Variants in RYR1 observed in about 807,000 individuals in gnomAD.
RYR1 encodes ryanodine receptor 1.
Under a neutral mutation model 583.5 loss-of-function variants are expected in RYR1, and 342 were observed. The observed-to-expected ratio is 0.59, with a 90% CI of 0.54 to 0.64. The LOEUF (loss-of-function observed/expected upper bound fraction) is 0.64, where lower values mean the gene tolerates loss of function less well. Ranked by LOEUF, RYR1 falls within the 30% of genes least tolerant of loss-of-function variation. The pLI is 0.00. For missense variants in RYR1, 6,032 were observed against 6,917.2 expected, an observed-to-expected ratio of 0.87 and a Z score of 4.54; for synonymous variants, 2,791 against 2,822.5, an observed-to-expected ratio of 0.99 and a Z score of 0.35.
chr19:38,505,988 G>C, intron 54 of RYR1, 42 bp downstream of exon 54: 1 of 1,599,790 alleles, frequency 6.3e-7, no homozygotes, highest in Non-Finnish European at 8.5e-7. Context: ...CACGATGGGG[G>C]GAGGGTCTAG....
chr19:38,514,265 A>T (rs1970853457), intron 63 of RYR1, among the ~76,000 whole-genome samples: 1 of 147,660 alleles, frequency 6.8e-6, no homozygotes, highest in Non-Finnish European at 1.5e-5. Flanking sequence ...CCCCATCTCT[A>T]AAAAAATTTT....
At chr19:38,457,678 C>T (rs2145407065) in intron 17 of RYR1, 48 bp downstream of exon 17, 1 of 1,592,504 alleles carries the variant, frequency 6.3e-7, no homozygotes, top group African/African-American at 1.3e-5. Context: ...TCTCAACCCT[C>T]TCCCTGACTT....
At chr19:38,557,321 G>C (rs1972923536) in intron 89 of RYR1, among the ~76,000 whole-genome samples, 1 of 152,084 alleles carries the variant, frequency 6.6e-6, no homozygotes, top group South Asian at 2.1e-4. Flanking sequence ...GAACAAAACA[G>C]AGAGCCCACT....
At chr19:38,490,545 G>C in intron 36 of RYR1, 76 bp from the exon 37 acceptor site, 3 of 978,908 alleles carry the variant, frequency 3.1e-6, no homozygotes, top group Non-Finnish European at 4.9e-6. Flanking sequence ...ACTAACAATT[G>C]CATCTTCTAT....
Position 38,561,190 on chromosome 19 carries a change from A to G in RYR1, c.12360A>G (p.Glu4120=), listed in dbSNP as rs758071179. 14 of 1,614,066 alleles carry G rather than the reference A, an allele frequency of 8.7e-6. No individual in the cohort carries two copies. The African/African-American group carries it at 1.7e-4, about 20-fold the overall frequency. ...LLSCSEADEN[E]MINCEEFANR... Reference sequence around the variant, plus strand: ...CGTGCTCCGAAGCGGATGAGAACGAAATGATCAACTGCGAAGAGTTCGCCA... The same window carrying G: ...CGTGCTCCGAAGCGGATGAGAACGAGATGATCAACTGCGAAGAGTTCGCCA... The change falls in exon 90 of 106, where the codon GAA becomes GAG. Residue 4120 remains glutamate (E), a synonymous_variant. Transcript: ENST00000359596. This position sits in a 1 kb window ranked among gnomAD's most constrained non-coding sequence, Gnocchi z 4.8.
Position 38,505,965 on chromosome 19 carries a change from TG to T in RYR1, c.8541+21del, listed in dbSNP as rs2145634199. On this transcript the variant is annotated intron_variant, in intron 54 of 105. Transcript: ENST00000359596. Reference sequence around the variant, plus strand: ...TGCCCAGGTGAAGGCGGGGCCTGGGTGGAGGGCAGGGGCACGATGGGGGGAG... The same window carrying T: ...TGCCCAGGTGAAGGCGGGGCCTGGGTGAGGGCAGGGGCACGATGGGGGGAG... 1.3e-6 allele frequency: 2 copies of T among 1,581,250 alleles called. No individual in the cohort carries two copies. The highest frequency in any genetic ancestry group is 1.7e-6 in the Non-Finnish European group (2 of 1,166,888).
chr19:38,529,178 G>A, intron 76 of RYR1, 121 bp downstream of exon 76: 1 of 961,258 alleles, frequency 1.0e-6, no homozygotes, highest in Non-Finnish European at 1.7e-6. Context: ...AAGACAGACG[G>A]ATCTTTAAAT....
intron 67 of RYR1, 36 bp downstream of exon 67, chr19:38,519,490 C>T: frequency 6.4e-7 from 1 of 1,568,930 alleles, no homozygotes; most frequent in African/African-American, 1.4e-5. Flanking sequence ...GCCCTCCGCC[C>T]CGACCTCCCA....
rs770046911 is a variant in RYR1, at chr19:38,573,270, G to C, written c.14092G>C (p.Val4698Leu). Residue 4698 changes from valine (V) to leucine (L), a missense_variant, in exon 96 of 106, where the codon GTG becomes CTG. Val to Leu is a conservative substitution (Grantham distance 32). Transcript: ENST00000359596. Reference protein sequence around the residue: ...YITEQPEDDDVKGQWDRLVLN... With the variant: ...YITEQPEDDDLKGQWDRLVLN... Reference sequence around the variant, plus strand: ...CACGGAGCAGCCTGAGGACGATGACGTGAAGGGGCAGTGGGACCGACTGGT... The same window carrying C: ...CACGGAGCAGCCTGAGGACGATGACCTGAAGGGGCAGTGGGACCGACTGGT... 6 of 1,613,950 alleles carry C rather than the reference G, an allele frequency of 3.7e-6. No homozygotes were observed. Among genetic ancestry groups the C allele is most frequent in the Non-Finnish European group, 5.1e-6 (6 of 1,179,920 alleles).
Position 38,528,303 on chromosome 19 carries a change from C to G in RYR1, c.10825-3C>G, listed in dbSNP as rs939237766. The G allele has an allele frequency of 6.2e-7, 1 of 1,613,918 alleles. No homozygotes were observed. Among genetic ancestry groups the G allele is most frequent in the Admixed American group, 1.7e-5 (1 of 60,022 alleles). ...TGTGACTGTCCTGCTATCCCCTCCC[C>G]AGACCGAGCACCCTTACAAGTCTAA... On this transcript the variant is annotated splice_region_variant and splice_polypyrimidine_tract_variant and intron_variant, in intron 73 of 105. Coordinates refer to ENST00000359596, the MANE Select transcript of RYR1 (RefSeq NM_000540.3).
rs1257602135 is a variant in RYR1, at chr19:38,517,340, C to T, written c.9686-19C>T. On this transcript the variant is annotated intron_variant, in intron 65 of 105. Transcript: ENST00000359596. ...GGGGTGATGGCTTGACATTCCCTGC[C>T]CCCGTCCCTGTACCCCAGTCCTGGG... 1 of 1,610,676 alleles carries T rather than the reference C, an allele frequency of 6.2e-7. No homozygotes were observed. The highest frequency in any genetic ancestry group is 1.3e-5 in the African/African-American group (1 of 74,940).
chr19:38,490,349 T>C (rs941842328), intron 36 of RYR1, 73 bp downstream of exon 36: 2 of 1,432,404 alleles, frequency 1.4e-6, no homozygotes. Flanking sequence ...CTCTGATCAC[T>C]GAGGACCCTC....
intron 38 of RYR1, among the ~76,000 whole-genome samples, chr19:38,493,406 TTATGGGGCCAAC>T (rs1162175803): frequency 2.6e-5 from 4 of 152,140 alleles, no homozygotes; most frequent in African/African-American, 9.7e-5. Flanking sequence ...CAGGAAACTT[TTATGGGGCCAAC>T]TATGGGCCAG....
chr19:38,580,574 T>C lies in RYR1; in HGVS notation c.14646+70T>C, dbSNP rs973486346. 4 of 1,594,614 alleles carry C rather than the reference T, an allele frequency of 2.5e-6. No individual in the cohort carries two copies. In the African/African-American group the frequency reaches 4.0e-5, roughly 16 times the overall value. ...TGTTGAAGGAGTTAATAATGGTACC[T>C]CCAGGCCGGGCGTGGTGCCTCCAGC... On this transcript the variant is annotated intron_variant, in intron 101 of 105. Transcript: ENST00000359596.
intron 78 of RYR1, 118 bp downstream of exon 78, chr19:38,532,854 T>TCAGTC: frequency 1.0e-6 from 1 of 1,001,696 alleles, no homozygotes; most frequent in South Asian, 1.4e-5. Flanking sequence ...AGTGACCAAG[T>TCAGTC]CAGTCCACTG....
chr19:38,547,195 C>G, intron 88 of RYR1, among the ~76,000 whole-genome samples: 1 of 149,608 alleles, frequency 6.7e-6, no homozygotes, highest in South Asian at 2.1e-4. Flanking sequence ...CCCGCCACCA[C>G]ACCTGGCTAA....
At chr19:38,520,516 G>A (rs954094606) in intron 67 of RYR1, among the ~76,000 whole-genome samples, 4 of 150,962 alleles carry the variant, frequency 2.6e-5, no homozygotes, top group African/African-American at 7.3e-5. Context: ...CCAACGTGGC[G>A]AAACCCTGTC....
At position 38,448,698 on chromosome 19, in the gene RYR1, C is replaced by T. The variant is rs1966920918; in HGVS notation, c.1007C>T (p.Pro336Leu). 1 of 1,614,244 alleles carries T rather than the reference C, an allele frequency of 6.2e-7. No homozygotes were observed. The highest frequency in any genetic ancestry group is 8.5e-7 in the Non-Finnish European group (1 of 1,180,034). Residue 336 changes from proline to leucine, a missense_variant, in exon 11 of 106, where the codon CCT (proline) becomes CTT (leucine). Around this residue, in one of 11 missense-constraint regions of RYR1, gnomAD observed 338 missense variants for 441.6 expected, o/e 0.77. Coordinates refer to ENST00000359596, the MANE Select transcript of RYR1 (RefSeq NM_000540.3). ...CGGGATGTGGAGGGCATGGGCCCCC[C>T]TGAGATCAAGTACGGGGAGTCACTG... is the stretch of plus-strand genomic sequence containing the variant. ...PKRDVEGMGP[P>L]EIKYGESLCF...
At chr19:38,486,337 C>G in intron 34 of RYR1, 135 bp downstream of exon 34, 1 of 1,129,726 alleles carries the variant, frequency 8.9e-7, no homozygotes, top group Non-Finnish European at 1.3e-6. Flanking sequence ...ATCCATCCAC[C>G]TTTCTTTTTA....
Sources: allele counts gnomAD v4.1 joint callset (sites outside exome capture counted in the v4.1 genomes callset), GRCh38; gene constraint gnomAD v4.1.1; regional missense constraint gnomAD v4.1.1; non-coding constraint Gnocchi (gnomAD v3.1); transcripts MANE v1.5; gene names NCBI Gene and HGNC (gene_info 2026-07-23, HGNC 2026-07-21).